The following OSBPL1A variants were observed in gnomAD, a reference collection of about 807,000 sequenced individuals.
OSBPL1A encodes the protein oxysterol binding protein like 1A.
A neutral mutation model predicts 137.1 loss-of-function variants in OSBPL1A; 80 were observed. That is an observed-to-expected ratio of 0.58 (90% confidence interval 0.49 to 0.70). The LOEUF is 0.70. OSBPL1A is among the 30% of genes least tolerant of loss of function. The probability of loss-of-function intolerance (pLI) is 0.00; values close to 1 mark genes in which losing one functional copy is unlikely to be tolerated. For missense variants in OSBPL1A, 970 were observed against 1,129.4 expected (o/e 0.86, Z 2.02); for synonymous variants, 365 against 389.7 (o/e 0.94, Z 0.75).
intron 3 of OSBPL1A, chr18:24,367,869 A>G (rs1052462074): frequency 6.6e-6 from 1 of 152,654 alleles, no homozygotes; most frequent in African/African-American, 2.4e-5. Context: ...CATAGAATTA[A>G]GAAATATGAG....
At chr18:24,331,908 A>G (rs552150122) in intron 7 of OSBPL1A, among the ~76,000 whole-genome samples, 1 of 152,290 alleles carries the variant, frequency 6.6e-6, no homozygotes, top group Admixed American at 6.5e-5. Flanking sequence ...CAGAGTGGTG[A>G]AAAATGTGGG....
chr18:24,218,699 G>A (rs1459688850), intron 17 of OSBPL1A, among the ~76,000 whole-genome samples: 1 of 152,110 alleles, frequency 6.6e-6, no homozygotes, highest in Non-Finnish European at 1.5e-5. Flanking sequence ...ACCCACCTCG[G>A]TCTCCCAAAG....
chr18:24,304,012 T>C (rs1305711502), intron 13 of OSBPL1A, among the ~76,000 whole-genome samples: 1 of 152,238 alleles, frequency 6.6e-6, no homozygotes, highest in Non-Finnish European at 1.5e-5. Flanking sequence ...GCCATGTGTA[T>C]CTGAGGAATT....
intron 1 of OSBPL1A, among the ~76,000 whole-genome samples, chr18:24,380,457 A>G (rs1906496444): frequency 6.6e-6 from 1 of 152,220 alleles, no homozygotes; most frequent in African/African-American, 2.4e-5. Flanking sequence ...TCCACCCCTC[A>G]GAAGTGTTCT....
intron 1 of OSBPL1A, among the ~76,000 whole-genome samples, chr18:24,379,309 C>T (rs1906414024): frequency 6.6e-6 from 1 of 152,036 alleles, no homozygotes; most frequent in Non-Finnish European, 1.5e-5. Context: ...CACTTGAGCC[C>T]AGGAGTTCAA....
intron 6 of OSBPL1A, 60 bp from the exon 7 acceptor site, chr18:24,333,146 A>C: frequency 6.4e-7 from 1 of 1,562,790 alleles, no homozygotes; most frequent in African/African-American, 1.4e-5. Context: ...TCCTCTCATA[A>C]TTCACAGGAG....
At chr18:24,376,090 C>G (rs373246219) in intron 2 of OSBPL1A, among the ~76,000 whole-genome samples, 3 of 152,228 alleles carry the variant, frequency 2.0e-5, no homozygotes, top group African/African-American at 7.2e-5. Flanking sequence ...AGCAAAAGAA[C>G]AAAGCTTCCA....
intron 7 of OSBPL1A, among the ~76,000 whole-genome samples, chr18:24,327,942 G>A (rs2091009270): frequency 6.7e-6 from 1 of 149,584 alleles, no homozygotes; most frequent in African/African-American, 2.5e-5. Flanking sequence ...GGACACTTCT[G>A]AATCTACATT....
At chr18:24,359,091 GC>G (rs1374158801) in intron 4 of OSBPL1A, among the ~76,000 whole-genome samples, 3 of 152,096 alleles carry the variant, frequency 2.0e-5, no homozygotes, top group African/African-American at 4.8e-5. Context: ...AGTGGCACAT[GC>G]CTGTGGTCCT....
At chr18:24,194,764 T>G (rs966253709) in intron 18 of OSBPL1A, among the ~76,000 whole-genome samples, 5 of 152,222 alleles carry the variant, frequency 3.3e-5, no homozygotes, top group African/African-American at 7.2e-5. Context: ...TGATGCTAGT[T>G]CTACACTGGA....
At chr18:24,270,892 A>G (rs899112731) in intron 15 of OSBPL1A, among the ~76,000 whole-genome samples, 34 of 152,312 alleles carry the variant, frequency 2.2e-4, no homozygotes, top group African/African-American at 7.9e-4. Flanking sequence ...TTAATAACTC[A>G]GAAAAGCTGT....
intron 7 of OSBPL1A, among the ~76,000 whole-genome samples, chr18:24,326,248 TA>T (rs1297643348): frequency 5.9e-5 from 9 of 152,208 alleles, no homozygotes; most frequent in Admixed American, 4.6e-4. Flanking sequence ...TGATGCTTCA[TA>T]AAAGTGGAAT....
chr18:24,244,638 A>C (rs1015918901), intron 15 of OSBPL1A, among the ~76,000 whole-genome samples: 1 of 152,216 alleles, frequency 6.6e-6, no homozygotes, highest in Non-Finnish European at 1.5e-5. Flanking sequence ...CTTTCCAGTA[A>C]TCTGTCTCCT....
chr18:24,203,209 G>A (rs561241526), intron 17 of OSBPL1A, among the ~76,000 whole-genome samples: 6 of 152,060 alleles, frequency 3.9e-5, no homozygotes, highest in East Asian at 1.9e-4. Context: ...ACTCCTGACC[G>A]CAGGTGATCC....
chr18:24,390,699 A>C (rs1285769812), intron 1 of OSBPL1A, among the ~76,000 whole-genome samples: 15 of 109,660 alleles, frequency 1.4e-4, no homozygotes, highest in African/African-American at 5.5e-4. Context: ...CGTCTCAAAA[A>C]AAAAAAAAAA....
chr18:24,285,927 C>A (rs1296720665), intron 14 of OSBPL1A, among the ~76,000 whole-genome samples: 1 of 152,212 alleles, frequency 6.6e-6, no homozygotes, highest in Middle Eastern at 3.4e-3. Flanking sequence ...GAGGCCGAGG[C>A]GTGCAGATCA....
intron 1 of OSBPL1A, among the ~76,000 whole-genome samples, chr18:24,386,863 G>A (rs1599740797): frequency 1.3e-5 from 2 of 152,158 alleles, no homozygotes; most frequent in East Asian, 3.9e-4. Flanking sequence ...AAGCCGAGGT[G>A]GAAAGATTGC....
intron 16 of OSBPL1A, among the ~76,000 whole-genome samples, chr18:24,230,190 T>G (rs1175955204): frequency 6.6e-6 from 1 of 152,210 alleles, no homozygotes; most frequent in Non-Finnish European, 1.5e-5. Flanking sequence ...CTGGTTGCAG[T>G]GCTCTCTTGC....
At chr18:24,366,727 G>A (rs1003694805) in intron 4 of OSBPL1A, 165 bp downstream of exon 4, 58 of 538,084 alleles carry the variant, frequency 1.1e-4, no homozygotes, top group Non-Finnish European at 1.8e-4. Flanking sequence ...GGACCTCACT[G>A]TCAGACTCAA....
Sources: gnomAD v4.1 joint callset for allele counts (sites outside exome capture counted in the v4.1 genomes callset) on GRCh38, gnomAD v4.1.1 for gene constraint, MANE v1.5 for transcripts, NCBI Gene and HGNC (gene_info 2026-07-23, HGNC 2026-07-21) for gene names.